Variants in CHRNG observed in about 807,000 individuals in gnomAD.
CHRNG encodes acetylcholine receptor subunit gamma.
In CHRNG, 72 loss-of-function variants were observed where a neutral mutation model predicts 65.2. The observed-to-expected ratio is 1.10, with a 90% CI of 0.91 to 1.34. The LOEUF is 1.34. CHRNG is among the 40% of genes most tolerant of loss of function. The probability of loss-of-function intolerance (pLI) is 0.00; values close to 1 mark genes in which losing one functional copy is unlikely to be tolerated. For missense variants in CHRNG, 637 were observed against 680.1 expected (o/e 0.94, Z 0.70); for synonymous variants, 284 against 290.2 (o/e 0.98, Z 0.22).
In CHRNG at chr2:232,540,347, C is replaced by T. The variant is rs200076763; in HGVS notation, c.196-34C>T. On this transcript the variant is annotated intron_variant, in intron 2 of 11. Coordinates refer to ENST00000651502, the MANE Select transcript of CHRNG (RefSeq NM_005199.5). The surrounding 1 kb of genome is among the most constrained non-coding windows in gnomAD (Gnocchi z 4.2). Reference sequence around the variant, plus strand: ...TGGGGACTGGCACTGAAGTCGGGGGCTGAGCCCTCCATACTACACCCTTGC... The same window carrying T: ...TGGGGACTGGCACTGAAGTCGGGGGTTGAGCCCTCCATACTACACCCTTGC... 5.0e-6 allele frequency: 8 copies of T among 1,613,842 alleles called. No individual in the cohort carries two copies. Among genetic ancestry groups the T allele is most frequent in the Non-Finnish European group, 6.8e-6 (8 of 1,179,882 alleles).
intron 9 of CHRNG, among the ~76,000 whole-genome samples, chr2:232,544,090 A>T (rs1692074426): frequency 6.6e-6 from 1 of 152,202 alleles, no homozygotes. Context: ...CTTGTTGCAC[A>T]TGCAGATTCC....
Position 232,540,002 on chromosome 2 carries a change from C to A in CHRNG, c.66C>A (p.Gly22=). 1 of 1,614,168 alleles carries A rather than the reference C, an allele frequency of 6.2e-7. No homozygotes were observed. The highest frequency in any genetic ancestry group is 2.2e-5 in the East Asian group (1 of 44,880). ...LLLAVCLGAQ[G]RNQEERLLAD... The stretch of plus-strand genomic sequence containing the variant: ...GCCTGTCTATTGCAGGGGCCCAGGG[C>A]CGGAACCAGGAGGAGCGCCTGCTCG... Residue 22 remains glycine (G), a synonymous_variant, in exon 2 of 12, where the codon GGC becomes GGA. Coordinates refer to ENST00000651502, the MANE Select transcript of CHRNG (RefSeq NM_005199.5). This position sits in a 1 kb window ranked among gnomAD's most constrained non-coding sequence, Gnocchi z 4.2.
Position 232,543,707 on chromosome 2 carries a change from C to G in CHRNG, c.1035+8C>G. On this transcript the variant is annotated splice_region_variant and intron_variant, in intron 9 of 11. Coordinates refer to ENST00000651502, the MANE Select transcript of CHRNG (RefSeq NM_005199.5). ...GCCCGAGGGGTCCGCAAGGCAAGGACCCTCCCTGCCCACTTCAACATCCCG... is the reference window on the plus strand; with the variant it reads ...GCCCGAGGGGTCCGCAAGGCAAGGAGCCTCCCTGCCCACTTCAACATCCCG... 1 of 1,527,322 alleles carries G rather than the reference C, an allele frequency of 6.5e-7. No homozygotes were observed. Among genetic ancestry groups the G allele is most frequent in the Non-Finnish European group, 9.1e-7 (1 of 1,101,220 alleles). 94.6% of individuals were successfully genotyped at this position (1,527,322 alleles called of 1,614,324 possible).
rs774177641 is a variant in CHRNG, at chr2:232,544,399, G to A, written c.1068G>A (p.Arg356=). The A allele has an allele frequency of 4.3e-6, 7 of 1,613,500 alleles. No individual in the cohort carries two copies. The highest frequency in any genetic ancestry group is 5.9e-6 in the Non-Finnish European group (7 of 1,180,010). Residue 356 remains arginine (R), a synonymous_variant, in exon 10 of 12, where the codon AGG becomes AGA. Transcript: ENST00000651502. ...VFLRLLPQLL[R]MHVRPLAPAA... ...TGAGGCTCTTGCCCCAGCTGCTGAG[G>A]ATGCACGTTCGCCCGCTGGCCCCGG...
Position 232,541,271 on chromosome 2 carries a change from G to A in CHRNG, c.351-103G>A. 1.4e-6 allele frequency: 2 copies of A among 1,442,768 alleles called. No individual in the cohort carries two copies. The highest frequency in any genetic ancestry group is 2.0e-4 in the Middle Eastern group (1 of 5,086). The allele number at this position is 1,442,768 out of a possible 1,614,324, so 89.4% of individuals were successfully genotyped here. A position where few individuals can be genotyped will look rare whatever the true frequency, so the allele number is the denominator to read the frequency against. Reference sequence around the variant, plus strand: ...GGGTGACAGGCTGGTAGGGACTGGTGTCCCCAGGCCCCTATCCACATGGGG... The same window carrying A: ...GGGTGACAGGCTGGTAGGGACTGGTATCCCCAGGCCCCTATCCACATGGGG... On this transcript the variant is annotated intron_variant, in intron 4 of 11. Transcript: ENST00000651502. The surrounding 1 kb of genome is among the most constrained non-coding windows in gnomAD (Gnocchi z 4.0).
At chr2:232,544,659 T>C (rs776424723) in intron 10 of CHRNG, 79 bp downstream of exon 10, 112 of 1,565,632 alleles carry the variant, frequency 7.2e-5, no homozygotes, top group Non-Finnish European at 9.1e-5. Context: ...AGATGAGTGC[T>C]GGAGAAGTGC....
rs570116107 is a variant in CHRNG, at chr2:232,547,998, G to A, written c.*2282G>A. On this transcript the variant is annotated 3_prime_UTR_variant, in exon 12 of 12. Coordinates refer to ENST00000651502, the MANE Select transcript of CHRNG (RefSeq NM_005199.5). ...TTTTGGTTTCCCAATGCATATAAAA[G>A]TTATGTTTACACTATACTGTAGACC... The A allele has an allele frequency of 1.3e-5, 6 of 457,098 alleles. No homozygotes were observed. The East Asian group carries it at 2.1e-4, about 16-fold the overall frequency. 28.3% of individuals were successfully genotyped at this position (457,098 alleles called of 1,614,324 possible). A position where few individuals can be genotyped will look rare whatever the true frequency, so the allele number is the denominator to read the frequency against.
In CHRNG at chr2:232,543,440, A is replaced by C. The variant is rs533182883; in HGVS notation, c.920+51A>C. 21 of 1,402,518 alleles carry C rather than the reference A, an allele frequency of 1.5e-5. 1 individual carries two copies. The highest frequency in any genetic ancestry group is 1.9e-5 in the Non-Finnish European group (19 of 991,534). 86.9% of individuals were successfully genotyped at this position (1,402,518 alleles called of 1,614,324 possible). ...GCCTATGCCACTCTCCCTTCTTGGG[A>C]GCATGATGGCCTCCTGCATTGCCCT... On this transcript the variant is annotated intron_variant, in intron 8 of 11. Transcript: ENST00000651502.
rs1231940167 is a variant in CHRNG, at chr2:232,544,408, T to C, written c.1077T>C (p.Val359=). The change falls in exon 10 of 12, where the codon GTT becomes GTC. Residue 359 remains valine, a synonymous_variant. Transcript: ENST00000651502. ...TGCCCCAGCTGCTGAGGATGCACGTTCGCCCGCTGGCCCCGGCAGCTGTGC... is the reference window on the plus strand; with the variant it reads ...TGCCCCAGCTGCTGAGGATGCACGTCCGCCCGCTGGCCCCGGCAGCTGTGC... The part of the protein sequence containing the change: ...RLLPQLLRMH[V]RPLAPAAVQD... 1.2e-6 allele frequency: 2 copies of C among 1,613,490 alleles called. No individual in the cohort carries two copies. Among genetic ancestry groups the C allele is most frequent in the Non-Finnish European group, 1.7e-6 (2 of 1,180,002 alleles).
chr2:232,542,261 G>C (rs1314070456), intron 5 of CHRNG, among the ~76,000 whole-genome samples, 162 bp from the exon 6 acceptor site: 1 of 152,194 alleles, frequency 6.6e-6, no homozygotes, highest in Non-Finnish European at 1.5e-5. Context: ...AGGTCCTCCT[G>C]CTCTCCATAT....
At position 232,546,055 on chromosome 2, in the gene CHRNG, T is replaced by C; in HGVS notation, c.*339T>C. The C allele has an allele frequency of 2.4e-6, 1 of 409,656 alleles. No individual in the cohort carries two copies. The highest frequency in any genetic ancestry group is 4.6e-6 in the Non-Finnish European group (1 of 215,870). The allele number at this position is 409,656 out of a possible 1,614,324, so 25.4% of individuals were successfully genotyped here. A position where few individuals can be genotyped will look rare whatever the true frequency, so the allele number is the denominator to read the frequency against. ...GTCTGAAGCCCGAAGGACTGTTTTGTATAATACCTTCGGACTTGGGACTGG... is the reference window on the plus strand; with the variant it reads ...GTCTGAAGCCCGAAGGACTGTTTTGCATAATACCTTCGGACTTGGGACTGG... On this transcript the variant is annotated 3_prime_UTR_variant, in exon 12 of 12. Transcript: ENST00000651502.
Position 232,540,222 on chromosome 2 carries a change from A to G in CHRNG, c.195+91A>G, listed in dbSNP as rs1452688540. 1.9e-5 allele frequency: 30 copies of G among 1,609,480 alleles called. No individual in the cohort carries two copies. The highest frequency in any genetic ancestry group is 2.2e-5 in the Non-Finnish European group (26 of 1,176,598). On this transcript the variant is annotated intron_variant, in intron 2 of 11. Coordinates refer to ENST00000651502, the MANE Select transcript of CHRNG (RefSeq NM_005199.5). The surrounding 1 kb of genome is among the most constrained non-coding windows in gnomAD (Gnocchi z 4.2). ...GTGGCTCCAGCCACCAAGAGGTTGG[A>G]GGGCCCTAAATCGGACAGGCTGGGG... is the stretch of plus-strand genomic sequence containing the variant.
chr2:232,544,729 C>T, intron 10 of CHRNG, 43 bp from the exon 11 acceptor site: 3 of 1,612,684 alleles, frequency 1.9e-6, no homozygotes, highest in Non-Finnish European at 2.5e-6. Flanking sequence ...CTGCCTGTTT[C>T]TCCTCCATTC....
At position 232,547,977 on chromosome 2, in the gene CHRNG, G is replaced by C; in HGVS notation, c.*2261G>C. 2.3e-6 allele frequency: 1 copy of C among 442,866 alleles called. No homozygotes were observed. The allele number at this position is 442,866 out of a possible 1,614,324, so 27.4% of individuals were successfully genotyped here. A position where few individuals can be genotyped will look rare whatever the true frequency, so the allele number is the denominator to read the frequency against. Reference sequence around the variant, plus strand: ...GAAAGCAAGTCACATGAATGTTTTTGGTTTCCCAATGCATATAAAAGTTAT... The same window carrying C: ...GAAAGCAAGTCACATGAATGTTTTTCGTTTCCCAATGCATATAAAAGTTAT... On this transcript the variant is annotated 3_prime_UTR_variant, in exon 12 of 12. Coordinates refer to ENST00000651502, the MANE Select transcript of CHRNG (RefSeq NM_005199.5).
rs368873210 is a variant in CHRNG, at chr2:232,542,556, T to C, written c.604+36T>C. 1.3e-5 allele frequency: 19 copies of C among 1,411,776 alleles called. No individual in the cohort carries two copies. In the African/African-American group the frequency reaches 2.3e-4, roughly 17 times the overall value. The allele number at this position is 1,411,776 out of a possible 1,614,324, so 87.5% of individuals were successfully genotyped here. ...CCCAAGGGCTCCCCAGGCAGCCTCATCCAGGGCTCCTGCTGGACCCAGCTG... is the reference window on the plus strand; with the variant it reads ...CCCAAGGGCTCCCCAGGCAGCCTCACCCAGGGCTCCTGCTGGACCCAGCTG... On this transcript the variant is annotated intron_variant, in intron 6 of 11. Coordinates refer to ENST00000651502, the MANE Select transcript of CHRNG (RefSeq NM_005199.5).
In CHRNG at chr2:232,541,337, C is replaced by T; in HGVS notation, c.351-37C>T. The T allele has an allele frequency of 6.2e-7, 1 of 1,613,558 alleles. No homozygotes were observed. Among genetic ancestry groups the T allele is most frequent in the Non-Finnish European group, 8.5e-7 (1 of 1,179,822 alleles). ...GGGGCTGGGGTGTCGGGGGCTGAGC[C>T]CACAGCCTCGTGGCCTGGCCTGTTC... On this transcript the variant is annotated intron_variant, in intron 4 of 11. Coordinates refer to ENST00000651502, the MANE Select transcript of CHRNG (RefSeq NM_005199.5). The surrounding 1 kb of genome is among the most constrained non-coding windows in gnomAD (Gnocchi z 4.0).
Position 232,540,425 on chromosome 2 carries a change from G to A in CHRNG, c.240G>A (p.Met80Ile), listed in dbSNP as rs768228497. 1.9e-6 allele frequency: 3 copies of A among 1,613,946 alleles called. No individual in the cohort carries two copies. Among genetic ancestry groups the A allele is most frequent in the South Asian group, 1.1e-5 (1 of 91,082 alleles). Residue 80 changes from methionine to isoleucine, a missense_variant and splice_region_variant, in exon 3 of 12, where the codon ATG becomes ATA. Physicochemically the swap from Met to Ile is conservative, Grantham distance 10. Coordinates refer to ENST00000651502, the MANE Select transcript of CHRNG (RefSeq NM_005199.5). The surrounding 1 kb of genome is among the most constrained non-coding windows in gnomAD (Gnocchi z 4.2). ...TCACCACCAATGTCTGGATAGAGAT[G>A]GTAAGAGGCCACCCTGCCACCCTCC... Reference protein sequence around the residue: ...EALTTNVWIEMQWCDYRLRWD... With the variant: ...EALTTNVWIEIQWCDYRLRWD...
At position 232,539,715 on chromosome 2, in the gene CHRNG, C is replaced by A. The variant is rs1230961007; in HGVS notation, c.-33C>A. The A allele has an allele frequency of 1.2e-6, 2 of 1,609,778 alleles. No homozygotes were observed. The highest frequency in any genetic ancestry group is 1.7e-6 in the Non-Finnish European group (2 of 1,176,804). ...CTGCCCCAGACCTTGGAGCTGTTGTCCCACCCCTGTCACTGCAGAGAGCTG... is the reference window on the plus strand; with the variant it reads ...CTGCCCCAGACCTTGGAGCTGTTGTACCACCCCTGTCACTGCAGAGAGCTG... On this transcript the variant is annotated 5_prime_UTR_variant, in exon 1 of 12. Transcript: ENST00000651502.
chr2:232,544,899 C>T lies in CHRNG; in HGVS notation c.1377C>T (p.Asp459=). 1 of 1,613,918 alleles carries T rather than the reference C, an allele frequency of 6.2e-7. No individual in the cohort carries two copies. The highest frequency in any genetic ancestry group is 8.5e-7 in the Non-Finnish European group (1 of 1,179,974). The change falls in exon 11 of 12, where the codon GAC becomes GAT. Residue 459 remains aspartate (D), a synonymous_variant. Coordinates refer to ENST00000651502, the MANE Select transcript of CHRNG (RefSeq NM_005199.5). ...ACARHQQSHF[D]NGNEEWFLVG... ...CCCGGCACCAGCAGAGTCACTTTGA[C>T]AATGTAAGCTGAGTCAGGGTGGGGT...
Sources: allele counts gnomAD v4.1 joint callset (sites outside exome capture counted in the v4.1 genomes callset), GRCh38; gene constraint gnomAD v4.1.1; non-coding constraint Gnocchi (gnomAD v3.1); transcripts MANE v1.5; gene names NCBI Gene and HGNC (gene_info 2026-07-23, HGNC 2026-07-21).